SENP7: variants seen among roughly 807,000 people sequenced by gnomAD.
SENP7 encodes the protein sentrin-specific protease 7.
Under a neutral mutation model 141.2 loss-of-function variants are expected in SENP7, and 64 were observed. The ratio of observed to expected loss-of-function variants is 0.45; its 90% CI spans 0.37 to 0.56. The LOEUF (loss-of-function observed/expected upper bound fraction) is 0.56, where lower values mean the gene tolerates loss of function less well. Ranked by LOEUF, SENP7 falls within the 20% of genes least tolerant of loss-of-function variation. The pLI, the probability that SENP7 is intolerant of heterozygous loss-of-function variation, is 0.00. For synonymous variants in SENP7, 382 were observed against 426.4 expected (o/e 0.90, Z 1.28); for missense variants, 1,025 against 1,212.2 (o/e 0.85, Z 2.29).
At chr3:101,453,070 C>G (rs1450254859) in intron 4 of SENP7, among the ~76,000 whole-genome samples, 3 of 152,182 alleles carry the variant, frequency 2.0e-5, no homozygotes, top group Non-Finnish European at 4.4e-5. Flanking sequence ...TGAACAGACA[C>G]TTCTCAAAAG....
At chr3:101,357,958 CCACCCCT>C (rs1228032777) in intron 11 of SENP7, 1 of 665,312 alleles carries the variant, frequency 1.5e-6, no homozygotes, top group Non-Finnish European at 2.4e-6. Flanking sequence ...AAGCTTTTAA[CCACCCCT>C]CACCCCTTTT....
chr3:101,445,852 T>G (rs2062870432), intron 4 of SENP7, among the ~76,000 whole-genome samples: 1 of 152,206 alleles, frequency 6.6e-6, no homozygotes, highest in Non-Finnish European at 1.5e-5. Flanking sequence ...AGATTCTGAA[T>G]ACATACAGCC....
intron 2 of SENP7, among the ~76,000 whole-genome samples, chr3:101,494,183 C>G (rs2065075836): frequency 6.6e-6 from 1 of 152,154 alleles, no homozygotes; most frequent in South Asian, 2.1e-4. Flanking sequence ...AATGAAGAAT[C>G]AGAAGAGCTT....
At chr3:101,349,523 A>G (rs999674906) in intron 12 of SENP7, among the ~76,000 whole-genome samples, 1 of 151,994 alleles carries the variant, frequency 6.6e-6, no homozygotes, top group Non-Finnish European at 1.5e-5. Context: ...TGTCCTTGCA[A>G]TAGTTTGCTG....
At chr3:101,349,606 G>A (rs1482160909) in intron 12 of SENP7, among the ~76,000 whole-genome samples, 2 of 151,980 alleles carry the variant, frequency 1.3e-5, no homozygotes, top group Non-Finnish European at 2.9e-5. Flanking sequence ...AATGGGTGCA[G>A]CATACCAACA....
rs757371871 is a variant in SENP7, at chr3:101,366,555, T to C, written c.1193A>G (p.Asn398Ser). ...AGAAATCCCCACAATATCAATGGAATTAGAGTTCTCAACGGTTTCAGTGGT... is the reference window on the plus strand; with the variant it reads ...AGAAATCCCCACAATATCAATGGAACTAGAGTTCTCAACGGTTTCAGTGGT... Reference protein sequence around the residue: ...GSTTETVENSNSIDIVGISSL... With the variant: ...GSTTETVENSSSIDIVGISSL... Residue 398 changes from asparagine (N) to serine (S), a missense_variant, in exon 9 of 24, where the codon AAT becomes AGT. Asn to Ser is a conservative substitution (Grantham distance 46). Around this residue, in one of 4 missense-constraint regions of SENP7, gnomAD observed 496 missense variants for 503.5 expected, o/e 0.99. Coordinates refer to ENST00000394095, the MANE Select transcript of SENP7 (RefSeq NM_020654.5). The C allele has an allele frequency of 6.2e-7, 1 of 1,613,918 alleles. No homozygotes were observed. Among genetic ancestry groups the C allele is most frequent in the Non-Finnish European group, 8.5e-7 (1 of 1,179,818 alleles).
At chr3:101,331,841 A>C (rs2059063578) in intron 19 of SENP7, 144 bp downstream of exon 19, 3 of 790,440 alleles carry the variant, frequency 3.8e-6, no homozygotes, top group Admixed American at 6.0e-5. Context: ...TCTATCATTA[A>C]AAATTTCAGA....
chr3:101,471,603 A>C (rs1354863190), intron 3 of SENP7, among the ~76,000 whole-genome samples: 1 of 152,262 alleles, frequency 6.6e-6, no homozygotes, highest in Non-Finnish European at 1.5e-5. Flanking sequence ...CAAGAACTTC[A>C]TCACTAAAAC....
At chr3:101,481,224 T>C (rs1250397316) in intron 3 of SENP7, among the ~76,000 whole-genome samples, 1 of 152,058 alleles carries the variant, frequency 6.6e-6, no homozygotes, top group Non-Finnish European at 1.5e-5. Context: ...AGCAATGATA[T>C]AGAACCAACC....
Position 101,351,627 on chromosome 3 carries a change from G to A in SENP7, c.1648C>T (p.Pro550Ser). Residue 550 changes from proline to serine, a missense_variant, in exon 12 of 24, where the codon CCA becomes TCA. Coordinates refer to ENST00000394095, the MANE Select transcript of SENP7 (RefSeq NM_020654.5). ...GAGAATGATAACTTACCTTGAAATG[G>A]GATCTTAATATATTTTTTTGTGATC... ...VTITKKYIKI[P>S]FQVSLNEISL... The A allele has an allele frequency of 2.2e-6, 3 of 1,349,490 alleles. No individual in the cohort carries two copies. Among genetic ancestry groups the A allele is most frequent in the South Asian group, 1.9e-5 (1 of 51,722 alleles). 83.6% of individuals were successfully genotyped at this position (1,349,490 alleles called of 1,614,324 possible).
chr3:101,340,116 A>C lies in SENP7; in HGVS notation c.2336T>G (p.Val779Gly). ...CLEEGEFLNDVIIDFYLKYLI... is the reference protein window; with the variant it reads ...CLEEGEFLNDGIIDFYLKYLI... ...TTACTTAAGGTAAAAATCAATGATT[A>C]CATCATTAAGAAACTCTCCTTCTTC... Residue 779 changes from valine (V) to glycine (G), a missense_variant, in exon 16 of 24, where the codon GTA becomes GGA. Val to Gly is a moderately radical substitution (Grantham distance 109). This residue lies in a region of SENP7 where 295 missense variants were observed against 459.1 expected (regional missense o/e 0.64). Coordinates refer to ENST00000394095, the MANE Select transcript of SENP7 (RefSeq NM_020654.5). 6.3e-7 allele frequency: 1 copy of C among 1,591,086 alleles called. No homozygotes were observed. Among genetic ancestry groups the C allele is most frequent in the Non-Finnish European group, 8.5e-7 (1 of 1,172,618 alleles).
intron 3 of SENP7, among the ~76,000 whole-genome samples, chr3:101,467,972 C>T (rs948932710): frequency 5.3e-5 from 8 of 152,228 alleles, no homozygotes; most frequent in African/African-American, 1.9e-4. Flanking sequence ...AAACATTAGA[C>T]AAATGGCTAA....
intron 4 of SENP7, among the ~76,000 whole-genome samples, chr3:101,457,968 A>G (rs1317918341): frequency 6.6e-6 from 1 of 152,214 alleles, no homozygotes; most frequent in Non-Finnish European, 1.5e-5. Context: ...AAAAATTACC[A>G]TTCCTTTACT....
intron 3 of SENP7, among the ~76,000 whole-genome samples, chr3:101,461,361 CAGA>C (rs556271148): frequency 2.7e-3 from 409 of 151,966 alleles, no homozygotes; most frequent in Non-Finnish European, 3.7e-3. Flanking sequence ...ACATTCTTCC[CAGA>C]AGAAGGAAAA....
At chr3:101,457,854 G>A (rs2063409616) in intron 4 of SENP7, 1 of 540,398 alleles carries the variant, frequency 1.9e-6, no homozygotes, top group Non-Finnish European at 3.3e-6. Context: ...GGGGAATGAT[G>A]TATGTTGTGA....
chr3:101,376,886 A>AG (rs769119744), intron 6 of SENP7, among the ~76,000 whole-genome samples: 4 of 152,196 alleles, frequency 2.6e-5, no homozygotes, highest in African/African-American at 4.8e-5. Context: ...GTAACAACAG[A>AG]GAAAAAAAAG....
chr3:101,407,038 C>T (rs1390949257), intron 5 of SENP7, among the ~76,000 whole-genome samples: 2 of 152,118 alleles, frequency 1.3e-5, no homozygotes, highest in East Asian at 1.9e-4. Flanking sequence ...TTCGCCATTA[C>T]CAAGCACTAA....
At chr3:101,376,993 A>C (rs1368791556) in intron 6 of SENP7, among the ~76,000 whole-genome samples, 6 of 152,186 alleles carry the variant, frequency 3.9e-5, no homozygotes, top group Admixed American at 3.9e-4. Flanking sequence ...ATCAGAAGAA[A>C]AACACTATAT....
intron 13 of SENP7, among the ~76,000 whole-genome samples, chr3:101,344,900 G>A (rs2059415720): frequency 6.9e-6 from 1 of 145,510 alleles, no homozygotes; most frequent in Admixed American, 7.1e-5. Flanking sequence ...CTAAAACTTT[G>A]GGAGGCCAAG....
Sources: allele counts gnomAD v4.1 joint callset (sites outside exome capture counted in the v4.1 genomes callset), GRCh38; gene constraint gnomAD v4.1.1; regional missense constraint gnomAD v4.1.1; transcripts MANE v1.5; gene names NCBI Gene and HGNC (gene_info 2026-07-23, HGNC 2026-07-21).